KAZN: variants seen among roughly 807,000 people sequenced by gnomAD.
KAZN encodes kazrin, periplakin interacting protein.
KAZN carries 40 observed loss-of-function variants against 87.4 expected under a neutral mutation model. The ratio of observed to expected loss-of-function variants is 0.46; its 90% CI spans 0.36 to 0.60. The LOEUF is 0.60. Among genes scored for constraint, KAZN ranks in the 20% least tolerant of loss-of-function variants. The pLI, the probability that KAZN is intolerant of heterozygous loss-of-function variation, is 0.00. For synonymous variants in KAZN, 466 were observed against 458.3 expected, an observed-to-expected ratio of 1.02 and a Z score of -0.22; for missense variants, 898 against 1,073.9, an observed-to-expected ratio of 0.84 and a Z score of 2.29.
chr1:14,628,972 G>A (rs1246621821), intron 1 of KAZN, among the ~76,000 whole-genome samples: 9 of 151,256 alleles, frequency 6.0e-5, no homozygotes, highest in Admixed American at 4.0e-4. Flanking sequence ...TCAGCCTCCC[G>A]AGTAGCTGGG....
At chr1:14,064,683 G>T (rs918223102) in intron 1 of KAZN, among the ~76,000 whole-genome samples, 1 of 152,180 alleles carries the variant, frequency 6.6e-6, no homozygotes, top group African/African-American at 2.4e-5. Flanking sequence ...GAGGGTGGGG[G>T]TGGGCGAGGA....
chr1:14,337,078 C>T (rs1238609778), intron 2 of KAZN, among the ~76,000 whole-genome samples: 1 of 152,240 alleles, frequency 6.6e-6, no homozygotes, highest in African/African-American at 2.4e-5. Flanking sequence ...CAAACATCCA[C>T]TGCAATTAGC....
intron 8 of KAZN, among the ~76,000 whole-genome samples, chr1:15,093,061 A>G (rs1221947742): frequency 1.3e-5 from 2 of 152,112 alleles, no homozygotes; most frequent in African/African-American, 2.4e-5. Flanking sequence ...TGTTTACAAT[A>G]GTGAAAAATT....
intron 1 of KAZN, among the ~76,000 whole-genome samples, chr1:14,932,726 A>G (rs911066826): frequency 6.6e-6 from 1 of 151,942 alleles, no homozygotes; most frequent in Non-Finnish European, 1.5e-5. Flanking sequence ...GGTGGGCTCA[A>G]ATGCAGAGTC....
At position 14,357,477 on chromosome 1, in the gene KAZN, G is replaced by C. The variant is rs754987412; in HGVS notation, c.249+176885G>C. Among the ~76,000 whole-genome samples the C allele has an allele frequency of 3.9e-5, 6 of 152,200 alleles. No homozygotes were observed. In the East Asian group the frequency reaches 1.2e-3, roughly 29 times the overall value. Reference sequence around the variant, plus strand: ...ATACTATGTTGAATAAAAGTGGTGAGAGACGGCATCCTTGTCTTGTGCCGG... The same window carrying C: ...ATACTATGTTGAATAAAAGTGGTGACAGACGGCATCCTTGTCTTGTGCCGG... On this transcript the variant is annotated intron_variant, in intron 2 of 16. Transcript: ENST00000636203.
chr1:14,314,270 G>T (rs1245185809), intron 2 of KAZN, among the ~76,000 whole-genome samples: 1 of 152,130 alleles, frequency 6.6e-6, no homozygotes, highest in Non-Finnish European at 1.5e-5. Context: ...ACCTACTGTG[G>T]TCATCTTGCA....
chr1:15,093,902 C>T (rs981853050), intron 8 of KAZN, among the ~76,000 whole-genome samples: 1 of 152,104 alleles, frequency 6.6e-6, no homozygotes, highest in Non-Finnish European at 1.5e-5. Context: ...AGTTTGGGGT[C>T]CCAAGATTTA....
intron 2 of KAZN, among the ~76,000 whole-genome samples, chr1:15,002,925 G>A (rs368978421): frequency 2.4e-4 from 36 of 151,990 alleles, no homozygotes; most frequent in African/African-American, 7.3e-4. Context: ...ACAGCGAGCC[G>A]AGATGGCGCC....
intron 1 of KAZN, among the ~76,000 whole-genome samples, chr1:14,715,186 C>T (rs1314416928): frequency 6.6e-6 from 1 of 152,242 alleles, no homozygotes; most frequent in Non-Finnish European, 1.5e-5. Flanking sequence ...CCCACCTTGG[C>T]TGAGACGCCC....
intron 1 of KAZN, among the ~76,000 whole-genome samples, chr1:14,940,341 T>C (rs1362625640): frequency 6.6e-6 from 1 of 152,232 alleles, no homozygotes; most frequent in Non-Finnish European, 1.5e-5. Context: ...CTCACTTTTA[T>C]ATTGAGCCAA....
intron 8 of KAZN, among the ~76,000 whole-genome samples, chr1:15,092,215 T>C (rs1288309344): frequency 6.6e-6 from 1 of 151,552 alleles, no homozygotes; most frequent in African/African-American, 2.4e-5. Context: ...TAGCTGGGAT[T>C]ACAGGCATAT....
chr1:14,451,930 TC>T (rs200403591), intron 2 of KAZN, among the ~76,000 whole-genome samples: 41,359 of 151,190 alleles, frequency 0.27, 6,592 homozygotes, highest in Middle Eastern at 0.45. Flanking sequence ...TGAGATTAAC[TC>T]TTTTTTGTTT....
At chr1:14,990,630 C>T (rs773808011) in intron 2 of KAZN, among the ~76,000 whole-genome samples, 1 of 152,020 alleles carries the variant, frequency 6.6e-6, no homozygotes, top group Non-Finnish European at 1.5e-5. Flanking sequence ...GTCATTGCAG[C>T]AGAGACCATG....
chr1:14,894,192 C>A (rs1655019236), intron 1 of KAZN, among the ~76,000 whole-genome samples: 4 of 152,060 alleles, frequency 2.6e-5, no homozygotes, highest in Admixed American at 2.6e-4. Flanking sequence ...CCCTAGCTCA[C>A]CCCCATCTCC....
intron 2 of KAZN, among the ~76,000 whole-genome samples, chr1:14,437,824 A>C (rs1172529693): frequency 6.6e-6 from 1 of 152,140 alleles, no homozygotes; most frequent in African/African-American, 2.4e-5. Context: ...ATTTAAAGGA[A>C]GTCAAAGAGG....
intron 2 of KAZN, among the ~76,000 whole-genome samples, chr1:14,282,615 C>T (rs1652923124): frequency 6.6e-6 from 1 of 152,196 alleles, no homozygotes; most frequent in South Asian, 2.1e-4. Flanking sequence ...GCCTTGCCTG[C>T]TTGGAGACCG....
chr1:14,469,219 T>TA (rs147975161), intron 2 of KAZN, among the ~76,000 whole-genome samples: 555 of 151,668 alleles, frequency 3.7e-3, no homozygotes, highest in Middle Eastern at 0.014. Context: ...GTCACGCAGG[T>TA]AAAAAAAAAT....
intron 2 of KAZN, among the ~76,000 whole-genome samples, chr1:14,965,223 T>C (rs1051872691): frequency 2.6e-5 from 4 of 152,102 alleles, no homozygotes; most frequent in Admixed American, 2.0e-4. Flanking sequence ...GCTTGCCATG[T>C]TGCTCAGGCT....
intron 1 of KAZN, among the ~76,000 whole-genome samples, chr1:14,655,309 A>G (rs900541280): frequency 3.3e-5 from 5 of 152,194 alleles, no homozygotes; most frequent in African/African-American, 9.6e-5. Context: ...CTACCTGTCC[A>G]CCAACAGACC....
Sources: allele counts gnomAD v4.1 joint callset (sites outside exome capture counted in the v4.1 genomes callset), GRCh38; gene constraint gnomAD v4.1.1; transcripts MANE v1.5; gene names NCBI Gene and HGNC (gene_info 2026-07-23, HGNC 2026-07-21).